Variants in RAB11FIP3 observed in about 807,000 individuals in gnomAD.
The protein encoded by RAB11FIP3 is RAB11 family interacting protein 3, also known as rab11 family-interacting protein 3.
RAB11FIP3 carries 17 observed loss-of-function variants against 77.8 expected under a neutral mutation model. The observed-to-expected ratio is 0.22, with a 90% CI of 0.15 to 0.33. The LOEUF is 0.33. RAB11FIP3 is among the 10% of genes least tolerant of loss of function. RAB11FIP3 has a pLI of 1.00. For synonymous variants in RAB11FIP3, 437 were observed against 448.2 expected, an observed-to-expected ratio of 0.98 and a Z score of 0.31; for missense variants, 1,005 against 1,011.2, an observed-to-expected ratio of 0.99 and a Z score of 0.08.
intron 1 of RAB11FIP3, chr16:439,219 ATTCT>A (rs1244809539): frequency 6.6e-6 from 1 of 152,232 alleles, no homozygotes; most frequent in Non-Finnish European, 1.5e-5. Flanking sequence ...AGGAAAATAA[ATTCT>A]TTAAGTAGGT....
chr16:461,265 C>T lies in RAB11FIP3; in HGVS notation c.715-139C>T, dbSNP rs986961739. ...TGATCTGACAGGAGGGGAGCTCAGGCGGTAATGCTCCCTCACCTCCTGCTG... is the reference window on the plus strand; with the variant it reads ...TGATCTGACAGGAGGGGAGCTCAGGTGGTAATGCTCCCTCACCTCCTGCTG... On this transcript the variant is annotated intron_variant, in intron 1 of 13. Coordinates refer to ENST00000262305, the MANE Select transcript of RAB11FIP3 (RefSeq NM_014700.4). The surrounding 1 kb of genome is among the most constrained non-coding windows in gnomAD (Gnocchi z 4.5). 32 of 602,246 alleles carry T rather than the reference C, an allele frequency of 5.3e-5. No individual in the cohort carries two copies. The highest frequency in any genetic ancestry group is 2.5e-4 in the African/African-American group (13 of 52,804). 37.3% of individuals were successfully genotyped at this position (602,246 alleles called of 1,614,324 possible). A position where few individuals can be genotyped will look rare whatever the true frequency, so the allele number is the denominator to read the frequency against.
intron 6 of RAB11FIP3, among the ~76,000 whole-genome samples, chr16:501,223 C>T (rs866808315): frequency 1.3e-5 from 2 of 152,386 alleles, no homozygotes; most frequent in African/African-American, 4.8e-5. Context: ...TCTTACTCTG[C>T]TACGTCCCTA....
At chr16:444,225 C>T (rs2055274632) in intron 1 of RAB11FIP3, among the ~76,000 whole-genome samples, 1 of 152,098 alleles carries the variant, frequency 6.6e-6, no homozygotes, top group African/African-American at 2.4e-5. Context: ...AGATATAGGC[C>T]ATCAGTCTGC....
chr16:477,819 G>A (rs2055949123), intron 3 of RAB11FIP3, among the ~76,000 whole-genome samples: 1 of 152,170 alleles, frequency 6.6e-6, no homozygotes, highest in South Asian at 2.1e-4. Context: ...AGCACTCCCT[G>A]TTCCCTTGTG....
At chr16:470,979 C>CT (rs56315622) in intron 2 of RAB11FIP3, among the ~76,000 whole-genome samples, 19,400 of 147,552 alleles carry the variant, frequency 0.13, 2,903 homozygotes, top group African/African-American at 0.36. Flanking sequence ...ATGTCTTGCT[C>CT]TTTTTTTTTT....
Position 507,726 on chromosome 16 carries a change from C to T in RAB11FIP3, c.1499+2099C>T, listed in dbSNP as rs929731527. The stretch of plus-strand genomic sequence containing the variant: ...TGTTCCCTGTGGTGCTCACCTCCAA[C>T]GTCCTAAACAACACGTTTCCCGTTT... On this transcript the variant is annotated intron_variant, in intron 8 of 13. Coordinates refer to ENST00000262305, the MANE Select transcript of RAB11FIP3 (RefSeq NM_014700.4). This position sits in a 1 kb window ranked among gnomAD's most constrained non-coding sequence, Gnocchi z 4.6. Among the ~76,000 whole-genome samples, 12 of 152,250 alleles carry T rather than the reference C, an allele frequency of 7.9e-5. No homozygotes were observed. The highest frequency in any genetic ancestry group is 7.9e-4 in the Admixed American group (12 of 15,282).
chr16:518,699 C>T (rs951633758), intron 9 of RAB11FIP3, among the ~76,000 whole-genome samples: 1 of 151,794 alleles, frequency 6.6e-6, no homozygotes, highest in African/African-American at 2.4e-5. Flanking sequence ...GCACTCCAGC[C>T]TGGTGACAGA....
chr16:521,221 C>G lies in RAB11FIP3; in HGVS notation c.*382C>G. On this transcript the variant is annotated 3_prime_UTR_variant, in exon 14 of 14. Transcript: ENST00000262305. Reference sequence around the variant, plus strand: ...TCTGTGCAGCGGTGTGGGGTGAGCCCTGCTGTGGCCTCCTTGTGGTGGTCC... The same window carrying G: ...TCTGTGCAGCGGTGTGGGGTGAGCCGTGCTGTGGCCTCCTTGTGGTGGTCC... 4.1e-6 allele frequency: 1 copy of G among 244,826 alleles called. No individual in the cohort carries two copies. The highest frequency in any genetic ancestry group is 8.1e-6 in the Non-Finnish European group (1 of 124,106). The allele number at this position is 244,826 out of a possible 1,614,324, so 15.2% of individuals were successfully genotyped here.
At position 430,352 on chromosome 16, in the gene RAB11FIP3, G is replaced by C. The variant is rs562108728; in HGVS notation, c.714+3632G>C. On this transcript the variant is annotated intron_variant, in intron 1 of 13. Transcript: ENST00000262305. Reference sequence around the variant, plus strand: ...CTGTAATTTACATGTTATTTTTACAGTCACTTAAGCAGTTGCGTTTTAATA... The same window carrying C: ...CTGTAATTTACATGTTATTTTTACACTCACTTAAGCAGTTGCGTTTTAATA... Among the ~76,000 whole-genome samples the C allele has an allele frequency of 7.8e-4, 118 of 152,104 alleles. 1 individual carries two copies. The highest frequency in any genetic ancestry group is 1.4e-3 in the Non-Finnish European group (96 of 68,048).
chr16:434,263 A>G (rs2055090322), intron 1 of RAB11FIP3, among the ~76,000 whole-genome samples: 1 of 152,172 alleles, frequency 6.6e-6, no homozygotes. Flanking sequence ...CTGGGATTAC[A>G]AGCATGTGCC....
In RAB11FIP3 at chr16:519,856, C is replaced by T. The variant is rs1239404379; in HGVS notation, c.1825C>T (p.His609Tyr). 1.3e-6 allele frequency: 2 copies of T among 1,598,374 alleles called. No homozygotes were observed. The highest frequency in any genetic ancestry group is 1.7e-6 in the Non-Finnish European group (2 of 1,172,708). Residue 609 changes from histidine (H) to tyrosine (Y), a missense_variant, in exon 11 of 14, where the codon CAC (histidine) becomes TAC (tyrosine). His to Tyr is a moderately conservative substitution (Grantham distance 83). Around this residue, in one of 4 missense-constraint regions of RAB11FIP3, gnomAD observed 433 missense variants for 436.1 expected, o/e 0.99. Coordinates refer to ENST00000262305, the MANE Select transcript of RAB11FIP3 (RefSeq NM_014700.4). ...GGGGGACAGGCTGAGTCACGAGAGG[C>T]ACCAGTTCCAGAGGGACAAGGAGGC... ...RMGDRLSHER[H>Y]QFQRDKEATQ...
rs1441163450 is a variant in RAB11FIP3, at chr16:506,287, C to A, written c.1499+660C>A. On this transcript the variant is annotated intron_variant, in intron 8 of 13. Transcript: ENST00000262305. This position sits in a 1 kb window ranked among gnomAD's most constrained non-coding sequence, Gnocchi z 4.5. ...CCGATTTGCAGGACTGTTTCCGGTG[C>A]AAAGTAAGATGAGCTTGTCCCAGGA... Among the ~76,000 whole-genome samples, 3 of 152,050 alleles carry A rather than the reference C, an allele frequency of 2.0e-5. No homozygotes were observed. The highest frequency in any genetic ancestry group is 2.0e-4 in the Admixed American group (3 of 15,274).
chr16:503,115 G>A lies in RAB11FIP3; in HGVS notation c.1395+18G>A, dbSNP rs1047578984. 3.2e-6 allele frequency: 5 copies of A among 1,585,574 alleles called. No individual in the cohort carries two copies. Among genetic ancestry groups the A allele is most frequent in the Non-Finnish European group, 4.3e-6 (5 of 1,157,996 alleles). ...CTGACAAGGTAGGCCCTGGAGGGCT[G>A]GGTAGGTGGCAAGTAGGGGATTTAG... is the stretch of plus-strand genomic sequence containing the variant. On this transcript the variant is annotated intron_variant, in intron 7 of 13. Coordinates refer to ENST00000262305, the MANE Select transcript of RAB11FIP3 (RefSeq NM_014700.4).
At chr16:509,445 C>T (rs118025640) in intron 8 of RAB11FIP3, among the ~76,000 whole-genome samples, 4 of 152,384 alleles carry the variant, frequency 2.6e-5, no homozygotes, top group Admixed American at 6.5e-5. Context: ...CTTTGGCCAT[C>T]TGTTCACTCC....
chr16:485,134 G>A (rs1248792796), intron 4 of RAB11FIP3, among the ~76,000 whole-genome samples: 1 of 152,060 alleles, frequency 6.6e-6, no homozygotes, highest in Non-Finnish European at 1.5e-5. Context: ...TGCAGGCCAC[G>A]CAGCCCCCGT....
chr16:438,268 C>T (rs951541126), intron 1 of RAB11FIP3, among the ~76,000 whole-genome samples: 10 of 150,142 alleles, frequency 6.7e-5, no homozygotes, highest in Non-Finnish European at 1.2e-4. Context: ...CCACCATGCC[C>T]GGCTACTTTT....
At chr16:492,360 T>TCCCGGGGGACCCGAGGCCGTCCAGAGCC in intron 5 of RAB11FIP3, among the ~76,000 whole-genome samples, 2 of 25,628 alleles carry the variant, frequency 7.8e-5, no homozygotes, top group African/African-American at 4.4e-4. Context: ...TTGAAGAGGG[T>TCCCGGGGGACCCGAGGCCGTCCAGAGCC]CTTCCCGGGA....
chr16:494,071 C>CGTT, intron 5 of RAB11FIP3, among the ~76,000 whole-genome samples: 1 of 57,914 alleles, frequency 1.7e-5, no homozygotes, highest in Admixed American at 1.4e-4. Context: ...ACCTGGCTAA[C>CGTT]TTTTGTATTT....
rs938357753 is a variant in RAB11FIP3, at chr16:461,903, C to T, written c.808+406C>T. 2.0e-5 allele frequency among the ~76,000 whole-genome samples: 3 copies of T among 152,238 alleles called. No individual in the cohort carries two copies. Among genetic ancestry groups the T allele is most frequent in the Non-Finnish European group, 1.5e-5 (1 of 68,044 alleles). Reference sequence around the variant, plus strand: ...CCATCTCCAGTCTGTCCCCCAGCCCCTCTTGAATGGGATGTGTTTGTAATC... The same window carrying T: ...CCATCTCCAGTCTGTCCCCCAGCCCTTCTTGAATGGGATGTGTTTGTAATC... On this transcript the variant is annotated intron_variant, in intron 2 of 13. Coordinates refer to ENST00000262305, the MANE Select transcript of RAB11FIP3 (RefSeq NM_014700.4). The surrounding 1 kb of genome is among the most constrained non-coding windows in gnomAD (Gnocchi z 4.5).
Sources: allele counts gnomAD v4.1 joint callset (sites outside exome capture counted in the v4.1 genomes callset), GRCh38; gene constraint gnomAD v4.1.1; regional missense constraint gnomAD v4.1.1; non-coding constraint Gnocchi (gnomAD v3.1); transcripts MANE v1.5; gene names NCBI Gene and HGNC (gene_info 2026-07-23, HGNC 2026-07-21).